TARS3: variants seen among roughly 807,000 people sequenced by gnomAD.
TARS3 encodes the protein threonyl-tRNA synthetase 3.
In TARS3, 94 loss-of-function variants were observed where a neutral mutation model predicts 103.5. The ratio of observed to expected loss-of-function variants is 0.91; its 90% confidence interval spans 0.77 to 1.08. The LOEUF (loss-of-function observed/expected upper bound fraction) is 1.08, where lower values mean the gene tolerates loss of function less well. Among genes scored for constraint, TARS3 ranks in the 50% least tolerant of loss-of-function variants. The pLI is 0.00. For synonymous variants in TARS3, 416 were observed against 355.4 expected, an observed-to-expected ratio of 1.17 and a Z score of -1.92; for missense variants, 952 against 995.2, an observed-to-expected ratio of 0.96 and a Z score of 0.58.
Position 101,656,926 on chromosome 15 carries a change from A to G in TARS3, c.2256T>C (p.Ile752=), listed in dbSNP as rs774938128. The stretch of plus-strand genomic sequence containing the variant: ...ATATATACAAACTTAAATTACCCAA[A>G]ATAAAATTATACTGAGCCAGCTGTG... ...RNAQLAQYNF[I]LVVGEKEKID... The change falls in exon 18 of 19, where the codon ATT becomes ATC. Residue 752 remains isoleucine (I), a synonymous_variant. Transcript: ENST00000335968. The G allele has an allele frequency of 5.0e-6, 8 of 1,597,754 alleles. No individual in the cohort carries two copies. In the East Asian group the frequency reaches 1.8e-4, roughly 36 times the overall value.
chr15:101,722,890 T>C, intron 2 of TARS3, among the ~76,000 whole-genome samples: 1 of 151,924 alleles, frequency 6.6e-6, no homozygotes, highest in Non-Finnish European at 1.5e-5. Flanking sequence ...CTTAAATAGA[T>C]TAAATACACG....
chr15:101,661,831 T>A lies in TARS3; in HGVS notation c.1968-15A>T, dbSNP rs773303918. The A allele has an allele frequency of 6.1e-6, 9 of 1,481,342 alleles. No homozygotes were observed. The East Asian group carries it at 1.9e-4, about 30-fold the overall frequency. The allele number at this position is 1,481,342 out of a possible 1,614,324, so 91.8% of individuals were successfully genotyped here. On this transcript the variant is annotated splice_polypyrimidine_tract_variant and intron_variant, in intron 15 of 18. Coordinates refer to ENST00000335968, the MANE Select transcript of TARS3 (RefSeq NM_152334.3). The stretch of plus-strand genomic sequence containing the variant: ...CCCCATCCTTACTAAAAAATGAAAA[T>A]TATACATTTAAGTCTTTTCCTAAGA...
At chr15:101,704,578 C>G (rs890327723) in intron 7 of TARS3, among the ~76,000 whole-genome samples, 1 of 151,394 alleles carries the variant, frequency 6.6e-6, no homozygotes, top group Non-Finnish European at 1.5e-5. Flanking sequence ...TCACTTGAAC[C>G]TGGGAGGCAG....
chr15:101,656,855 A>C, intron 18 of TARS3, 67 bp downstream of exon 18: 1 of 934,712 alleles, frequency 1.1e-6, no homozygotes, highest in Non-Finnish European at 1.7e-6. Flanking sequence ...CATATTTCTT[A>C]TTTGGTCTTT....
rs1232406161 is a variant in TARS3, at chr15:101,653,678, A to G, written c.*904T>C. Reference sequence around the variant, plus strand: ...TTAACTAAATGATCAGTATATTGAAAAGAGATTATTTCTTACATTTCTTTT... The same window carrying G: ...TTAACTAAATGATCAGTATATTGAAGAGAGATTATTTCTTACATTTCTTTT... On this transcript the variant is annotated 3_prime_UTR_variant, in exon 19 of 19. Coordinates refer to ENST00000335968, the MANE Select transcript of TARS3 (RefSeq NM_152334.3). The G allele has an allele frequency of 2.6e-5, 4 of 151,420 alleles. No homozygotes were observed. Among genetic ancestry groups the G allele is most frequent in the Admixed American group, 1.3e-4 (2 of 15,256 alleles). The allele number at this position is 151,420 out of a possible 1,614,324, so 9.4% of individuals were successfully genotyped here. A position where few individuals can be genotyped will look rare whatever the true frequency, so the allele number is the denominator to read the frequency against.
intron 3 of TARS3, among the ~76,000 whole-genome samples, chr15:101,718,987 C>A (rs910707633): frequency 1.3e-5 from 2 of 152,168 alleles, no homozygotes; most frequent in Non-Finnish European, 2.9e-5. Context: ...AGGACAAACT[C>A]GTGCACTTCA....
chr15:101,677,967 CT>C (rs796517538), intron 12 of TARS3, among the ~76,000 whole-genome samples: 5 of 145,958 alleles, frequency 3.4e-5, no homozygotes, highest in Admixed American at 6.8e-5. Context: ...CATGGGACTT[CT>C]TTTTTTTTGG....
At chr15:101,716,578 T>A (rs1451576167) in intron 3 of TARS3, among the ~76,000 whole-genome samples, 5 of 152,138 alleles carry the variant, frequency 3.3e-5, no homozygotes, top group Admixed American at 1.3e-4. Flanking sequence ...GGAACCAATA[T>A]TTGCTAGGCA....
chr15:101,687,883 A>C (rs188081605), intron 10 of TARS3, among the ~76,000 whole-genome samples: 352 of 152,226 alleles, frequency 2.3e-3, no homozygotes, highest in Admixed American at 6.7e-3. Flanking sequence ...GGTTACAAGA[A>C]GTCAGCAGTC....
rs1362184777 is a variant in TARS3 at position 101,702,221 on chromosome 15, T to A, written c.1221+18A>T. The A allele has an allele frequency of 1.2e-6, 2 of 1,613,740 alleles. No homozygotes were observed. The highest frequency in any genetic ancestry group is 1.7e-5 in the Admixed American group (1 of 59,974). On this transcript the variant is annotated intron_variant, in intron 9 of 18. Transcript: ENST00000335968. Reference sequence around the variant, plus strand: ...TGGCTTATGATTACATCTCCAGTGATTAAGATGTGGGGCATACCTTCCCGA... The same window carrying A: ...TGGCTTATGATTACATCTCCAGTGAATAAGATGTGGGGCATACCTTCCCGA...
intron 10 of TARS3, among the ~76,000 whole-genome samples, chr15:101,689,801 AT>A (rs1367869756): frequency 6.6e-6 from 1 of 152,176 alleles, no homozygotes; most frequent in Non-Finnish European, 1.5e-5. Flanking sequence ...AGTTTATGGT[AT>A]TTTGTTATAA....
At chr15:101,688,356 T>C (rs1277295631) in intron 10 of TARS3, among the ~76,000 whole-genome samples, 1 of 152,190 alleles carries the variant, frequency 6.6e-6, no homozygotes, top group Non-Finnish European at 1.5e-5. Context: ...CTTTCTCTAA[T>C]GCTGGGAAAG....
chr15:101,654,750 A>G lies in TARS3; in HGVS notation c.2261-20T>C, dbSNP rs1281077140. ...CAACCACTGCAGAAAAGAAAGGTAAAGAAATGTATTTTAAATCAGCAATTT... is the reference window on the plus strand; with the variant it reads ...CAACCACTGCAGAAAAGAAAGGTAAGGAAATGTATTTTAAATCAGCAATTT... On this transcript the variant is annotated intron_variant, in intron 18 of 18. Transcript: ENST00000335968. 1.2e-6 allele frequency: 2 copies of G among 1,609,080 alleles called. No homozygotes were observed. Among genetic ancestry groups the G allele is most frequent in the Non-Finnish European group, 1.7e-6 (2 of 1,178,370 alleles).
chr15:101,671,688 C>G lies in TARS3; in HGVS notation c.1849G>C (p.Ala617Pro). 1 of 1,614,034 alleles carries G rather than the reference C, an allele frequency of 6.2e-7. No homozygotes were observed. Among genetic ancestry groups the G allele is most frequent in the Non-Finnish European group, 8.5e-7 (1 of 1,179,984 alleles). Residue 617 changes from alanine (A) to proline (P), a missense_variant, in exon 14 of 19, where the codon GCA becomes CCA. By Grantham distance (27) the Ala-to-Pro change is conservative (BLOSUM62 -1). Around this residue, in one of 2 missense-constraint regions of TARS3, gnomAD observed 540 missense variants for 631.0 expected, o/e 0.86. Coordinates refer to ENST00000335968, the MANE Select transcript of TARS3 (RefSeq NM_152334.3). ...CGACTCACTTTAGGGCCATAAAATG[C>G]TCCATCTCCTGGGTTCATTTTCCAC... is the stretch of plus-strand genomic sequence containing the variant. ...EPWKMNPGDG[A>P]FYGPKIDIKI... is the part of the protein sequence containing the mutation.
intron 3 of TARS3, among the ~76,000 whole-genome samples, chr15:101,717,525 T>C (rs1256251233): frequency 6.6e-6 from 1 of 152,268 alleles, no homozygotes; most frequent in Non-Finnish European, 1.5e-5. Context: ...CATGTGGCCA[T>C]GTGGCCAGGT....
intron 8 of TARS3, among the ~76,000 whole-genome samples, chr15:101,703,522 G>A (rs931599278): frequency 2.0e-5 from 3 of 151,930 alleles, no homozygotes; most frequent in Admixed American, 6.6e-5. Context: ...CCCAGGAGGC[G>A]GAGATTGCAG....
intron 8 of TARS3, among the ~76,000 whole-genome samples, chr15:101,702,713 T>C (rs1326892366): frequency 6.6e-6 from 1 of 152,208 alleles, no homozygotes; most frequent in Non-Finnish European, 1.5e-5. Flanking sequence ...GAGGCTGCAG[T>C]GAGCAGTGTT....
chr15:101,695,799 G>A (rs541208262), intron 10 of TARS3: 1 of 152,586 alleles, frequency 6.6e-6, no homozygotes, highest in South Asian at 2.1e-4. Flanking sequence ...CAGCTACTTG[G>A]GAGGCTGAGG....
chr15:101,687,239 C>A (rs1898514070), intron 10 of TARS3, among the ~76,000 whole-genome samples: 1 of 151,928 alleles, frequency 6.6e-6, no homozygotes, highest in Non-Finnish European at 1.5e-5. Context: ...CCCATCTCCA[C>A]TAAAAATACA....
Sources: allele counts gnomAD v4.1 joint callset (sites outside exome capture counted in the v4.1 genomes callset), GRCh38; gene constraint gnomAD v4.1.1; regional missense constraint gnomAD v4.1.1; transcripts MANE v1.5; gene names NCBI Gene and HGNC (gene_info 2026-07-23, HGNC 2026-07-21).